SUPT3H: variants seen among roughly 807,000 people sequenced by gnomAD.
SUPT3H encodes SPT3 homolog, SAGA and STAGA complex component.
SUPT3H carries 44 observed loss-of-function variants against 44.3 expected under a neutral mutation model. That is an observed-to-expected ratio of 0.99 (90% CI 0.78 to 1.28). The LOEUF (loss-of-function observed/expected upper bound fraction) is 1.28, where lower values mean the gene tolerates loss of function less well. SUPT3H is among the 50% of genes most tolerant of loss of function. The pLI is 0.00. For synonymous variants in SUPT3H, 124 were observed against 125.6 expected (o/e 0.99, Z 0.09); for missense variants, 380 against 387.1 (o/e 0.98, Z 0.15).
At chr6:45,316,260 CA>C (rs1414965878) in intron 2 of SUPT3H, among the ~76,000 whole-genome samples, 2 of 151,970 alleles carry the variant, frequency 1.3e-5, no homozygotes, top group Non-Finnish European at 2.9e-5. Flanking sequence ...CAGGTTCTCA[CA>C]AATCTCCACT....
At chr6:44,950,932 C>T (rs1774212176) in intron 9 of SUPT3H, among the ~76,000 whole-genome samples, 1 of 151,356 alleles carries the variant, frequency 6.6e-6, no homozygotes, top group Non-Finnish European at 1.5e-5. Context: ...GATCTTAAAA[C>T]ACCCTTTTGA....
At chr6:45,246,085 T>C (rs1348652294) in intron 2 of SUPT3H, among the ~76,000 whole-genome samples, 2 of 152,164 alleles carry the variant, frequency 1.3e-5, no homozygotes, top group Non-Finnish European at 2.9e-5. Context: ...GGAGAATGTT[T>C]ATTCAACATT....
intron 10 of SUPT3H, among the ~76,000 whole-genome samples, chr6:44,864,014 G>C (rs1290737032): frequency 6.6e-6 from 1 of 151,322 alleles, no homozygotes; most frequent in Non-Finnish European, 1.5e-5. Context: ...GATGAGATTT[G>C]GGTGGGGACA....
chr6:45,094,682 A>G (rs192360193), intron 3 of SUPT3H, among the ~76,000 whole-genome samples: 280 of 152,128 alleles, frequency 1.8e-3, no homozygotes, highest in African/African-American at 6.6e-3. Context: ...GTTACTTATT[A>G]TTTTTTTAAA....
intron 6 of SUPT3H, among the ~76,000 whole-genome samples, chr6:44,980,964 G>A (rs1435628735): frequency 6.6e-6 from 1 of 152,170 alleles, no homozygotes; most frequent in African/African-American, 2.4e-5. Flanking sequence ...ATACCTTAGA[G>A]TTAGCATAAC....
At chr6:44,908,154 CTTTTTTT>C (rs70993481) in intron 10 of SUPT3H, among the ~76,000 whole-genome samples, 1 of 136,960 alleles carries the variant, frequency 7.3e-6, no homozygotes, top group Non-Finnish European at 1.6e-5. Flanking sequence ...TTTTTCTTTT[CTTTTTTT>C]TTTTTTTTGA....
At chr6:44,976,486 C>T (rs1037373282) in intron 6 of SUPT3H, among the ~76,000 whole-genome samples, 3 of 151,840 alleles carry the variant, frequency 2.0e-5, no homozygotes, top group Admixed American at 6.6e-5. Flanking sequence ...CTCAGCGTCC[C>T]GAATAGCTGG....
intron 2 of SUPT3H, among the ~76,000 whole-genome samples, chr6:45,309,287 C>A (rs1169044980): frequency 6.7e-6 from 1 of 148,984 alleles, no homozygotes; most frequent in Non-Finnish European, 1.5e-5. Context: ...AAATAAATGA[C>A]CAAAATGAAA....
At chr6:45,283,210 G>A (rs1226859196) in intron 2 of SUPT3H, among the ~76,000 whole-genome samples, 1 of 152,108 alleles carries the variant, frequency 6.6e-6, no homozygotes, top group African/African-American at 2.4e-5. Flanking sequence ...ACATCATAAT[G>A]ACAGGATCAA....
intron 3 of SUPT3H, among the ~76,000 whole-genome samples, chr6:45,056,359 T>C (rs959950931): frequency 2.0e-5 from 3 of 152,168 alleles, no homozygotes; most frequent in African/African-American, 7.2e-5. Flanking sequence ...TAAGTCATTA[T>C]ATGAAAAAGA....
At position 45,095,299 on chromosome 6, in the gene SUPT3H, T is replaced by A. The variant is rs1483583809; in HGVS notation, c.186+10623A>T. Among the ~76,000 whole-genome samples the A allele has an allele frequency of 6.6e-6, 1 of 152,146 alleles. No homozygotes were observed. Among genetic ancestry groups the A allele is most frequent in the African/African-American group, 2.4e-5 (1 of 41,438 alleles). On this transcript the variant is annotated intron_variant, in intron 3 of 10. Transcript: ENST00000371459. This position sits in a 1 kb window ranked among gnomAD's most constrained non-coding sequence, Gnocchi z 4.1. Reference sequence around the variant, plus strand: ...AATTGAAATTCTACATAGGAAACTTTATTACTATTTTAAAACACACCCATA... The same window carrying A: ...AATTGAAATTCTACATAGGAAACTTAATTACTATTTTAAAACACACCCATA...
chr6:45,072,121 C>G (rs1251896059), intron 3 of SUPT3H, among the ~76,000 whole-genome samples: 1 of 152,120 alleles, frequency 6.6e-6, no homozygotes, highest in African/African-American at 2.4e-5. Flanking sequence ...AATATTATCC[C>G]CACTTTACAA....
chr6:45,185,809 C>T (rs745960941), intron 2 of SUPT3H, among the ~76,000 whole-genome samples: 4 of 152,190 alleles, frequency 2.6e-5, no homozygotes, highest in Non-Finnish European at 5.9e-5. Context: ...TTATTTCATG[C>T]TGACAGACTG....
At chr6:45,161,735 T>C (rs557410700) in intron 2 of SUPT3H, among the ~76,000 whole-genome samples, 1 of 152,290 alleles carries the variant, frequency 6.6e-6, no homozygotes, top group South Asian at 2.1e-4. Context: ...CCAATAAACA[T>C]TTGATTAATA....
At chr6:45,296,806 C>T (rs911584368) in intron 2 of SUPT3H, among the ~76,000 whole-genome samples, 1 of 144,106 alleles carries the variant, frequency 6.9e-6, no homozygotes. Context: ...GTGATGGGTG[C>T]ACCAAAATCT....
intron 3 of SUPT3H, among the ~76,000 whole-genome samples, chr6:45,056,568 G>C (rs1239146752): frequency 6.6e-6 from 1 of 152,148 alleles, no homozygotes; most frequent in Non-Finnish European, 1.5e-5. Context: ...GGTGGAACTG[G>C]AGACCATTAT....
intron 2 of SUPT3H, among the ~76,000 whole-genome samples, chr6:45,112,007 C>T (rs1800141840): frequency 6.6e-6 from 1 of 152,186 alleles, no homozygotes; most frequent in East Asian, 1.9e-4. Context: ...GGATCTGGTT[C>T]TAGTTCCCAC....
At chr6:44,825,880 C>T (rs1370988921), downstream of SUPT3H, among the ~76,000 whole-genome samples, 2 of 152,076 alleles carry the variant, frequency 1.3e-5, no homozygotes, top group Non-Finnish European at 2.9e-5. Flanking sequence ...GGATCATGAA[C>T]ACAATGCTGT....
intron 2 of SUPT3H, among the ~76,000 whole-genome samples, chr6:45,189,728 A>G (rs1814826673): frequency 6.6e-6 from 1 of 152,218 alleles, no homozygotes; most frequent in East Asian, 1.9e-4. Flanking sequence ...TATTTGTGAA[A>G]CAAACTAAGA....
Sources: allele counts gnomAD v4.1 joint callset (sites outside exome capture counted in the v4.1 genomes callset), GRCh38; gene constraint gnomAD v4.1.1; non-coding constraint Gnocchi (gnomAD v3.1); transcripts MANE v1.5; gene names NCBI Gene and HGNC (gene_info 2026-07-23, HGNC 2026-07-21).